Variants in LARGE1 observed in about 807,000 individuals in gnomAD.
LARGE1 encodes xylosyl- and glucuronyltransferase LARGE1.
LARGE1 carries 43 observed loss-of-function variants against 87.6 expected under a neutral mutation model. That is an observed-to-expected ratio of 0.49 (90% CI 0.38 to 0.63). The LOEUF is 0.63. LARGE1 is among the 30% of genes least tolerant of loss of function. The pLI is 0.00. For synonymous variants in LARGE1, 434 were observed against 394.6 expected (o/e 1.10, Z -1.18); for missense variants, 802 against 1,000.2 (o/e 0.80, Z 2.67).
chr22:33,455,757 C>CAAAAAAAAAA (rs35353034), intron 6 of LARGE1, among the ~76,000 whole-genome samples: 3 of 64,242 alleles, frequency 4.7e-5, no homozygotes, highest in African/African-American at 6.3e-5. Context: ...CTGTCTCAGC[C>CAAAAAAAAAA]AAAAAAAAAA....
intron 2 of LARGE1, among the ~76,000 whole-genome samples, chr22:33,663,823 C>T (rs1160623251): frequency 1.3e-5 from 2 of 152,182 alleles, no homozygotes; most frequent in Non-Finnish European, 2.9e-5. Flanking sequence ...GTGCCAAGTT[C>T]CTGAATGCAG....
intron 7 of LARGE1, among the ~76,000 whole-genome samples, chr22:33,424,950 T>C (rs1213487465): frequency 6.6e-6 from 1 of 152,140 alleles, no homozygotes; most frequent in Non-Finnish European, 1.5e-5. Context: ...ACTTCATTAA[T>C]GTGATTAATG....
Position 33,283,107 on chromosome 22 carries a change from G to A in LARGE1, c.1877+95C>T, listed in dbSNP as rs16992053. On this transcript the variant is annotated intron_variant, in intron 13 of 14. Coordinates refer to ENST00000397394, the MANE Select transcript of LARGE1 (RefSeq NM_133642.5). ...GGCCTCACAATGGACTAAGGCGAGC[G>A]ACAAACTTCCAGATCGATAGCTTTG... 4.7e-4 allele frequency: 709 copies of A among 1,523,576 alleles called. No individual in the cohort carries two copies. The African/African-American group carries it at 7.8e-3, about 17-fold the overall frequency. 94.4% of individuals were successfully genotyped at this position (1,523,576 alleles called of 1,614,324 possible).
Position 33,309,229 on chromosome 22 carries a change from C to T in LARGE1, c.1452-4722G>A, listed in dbSNP as rs562515031. 7.3e-5 allele frequency among the ~76,000 whole-genome samples: 11 copies of T among 150,932 alleles called. No individual in the cohort carries two copies. The East Asian group carries it at 7.8e-4, about 11-fold the overall frequency. ...TTGCCCAGGCTGGAGTGCAGTGGTGCGATCTCAGCTCACTGCAACCTCCAC... is the reference window on the plus strand; with the variant it reads ...TTGCCCAGGCTGGAGTGCAGTGGTGTGATCTCAGCTCACTGCAACCTCCAC... On this transcript the variant is annotated intron_variant, in intron 11 of 14. Coordinates refer to ENST00000397394, the MANE Select transcript of LARGE1 (RefSeq NM_133642.5).
At chr22:33,322,404 G>C (rs1474443010) in intron 10 of LARGE1, 2 of 152,200 alleles carry the variant, frequency 1.3e-5, no homozygotes, top group Non-Finnish European at 2.9e-5. Flanking sequence ...TTTCTCAAAT[G>C]AGCTAATGCA....
At chr22:33,911,532 C>T (rs1002412421) in intron 1 of LARGE1, among the ~76,000 whole-genome samples, 2 of 151,554 alleles carry the variant, frequency 1.3e-5, no homozygotes, top group African/African-American at 2.4e-5. Context: ...ATGGGAGCGC[C>T]GGTCTACACC....
rs574383855 is a variant in LARGE1, at chr22:33,642,332, T to C, written c.408+8035A>G. 1.8e-4 allele frequency among the ~76,000 whole-genome samples: 27 copies of C among 152,172 alleles called. No individual in the cohort carries two copies. The South Asian group carries it at 5.0e-3, about 28-fold the overall frequency. ...AAATCCTTTACAGACAAGCAAATCC[T>C]CCTGAAGGATTTTGTCACCACTAGG... On this transcript the variant is annotated intron_variant, in intron 3 of 14. Coordinates refer to ENST00000397394, the MANE Select transcript of LARGE1 (RefSeq NM_133642.5).
chr22:33,574,890 G>A (rs1013861336), intron 5 of LARGE1, among the ~76,000 whole-genome samples: 3 of 152,072 alleles, frequency 2.0e-5, no homozygotes, highest in Non-Finnish European at 4.4e-5. Flanking sequence ...GAGACAGTGG[G>A]AAAAACAAAA....
At chr22:33,519,645 A>C (rs2071476239) in intron 6 of LARGE1, among the ~76,000 whole-genome samples, 1 of 152,200 alleles carries the variant, frequency 6.6e-6, no homozygotes, top group Non-Finnish European at 1.5e-5. Flanking sequence ...CTTTGAAATC[A>C]CTATTTTTAC....
intron 2 of LARGE1, among the ~76,000 whole-genome samples, chr22:33,665,705 A>C (rs563378427): frequency 5.3e-4 from 80 of 152,244 alleles, no homozygotes; most frequent in African/African-American, 1.9e-3. Flanking sequence ...ATCCTGGCTA[A>C]CACGGCGAAA....
At chr22:33,651,730 A>G (rs1157094228) in intron 2 of LARGE1, among the ~76,000 whole-genome samples, 1 of 152,244 alleles carries the variant, frequency 6.6e-6, no homozygotes, top group Non-Finnish European at 1.5e-5. Flanking sequence ...GACTGGATGC[A>G]TGGCTCCATG....
chr22:33,490,026 C>T (rs2069760687), intron 6 of LARGE1, among the ~76,000 whole-genome samples: 1 of 152,246 alleles, frequency 6.6e-6, no homozygotes, highest in South Asian at 2.1e-4. Flanking sequence ...TCCCTGGCCA[C>T]TTTCTCCTCC....
At chr22:33,770,766 T>A (rs964434310) in intron 1 of LARGE1, among the ~76,000 whole-genome samples, 1 of 152,160 alleles carries the variant, frequency 6.6e-6, no homozygotes, top group Non-Finnish European at 1.5e-5. Flanking sequence ...AAATTTTATG[T>A]GTATGTGTGT....
chr22:33,728,402 G>T (rs946631795), intron 2 of LARGE1, among the ~76,000 whole-genome samples: 1 of 151,732 alleles, frequency 6.6e-6, no homozygotes, highest in Non-Finnish European at 1.5e-5. Context: ...AGCCAGGCAC[G>T]GGGGTGCATG....
the LARGE1 span, among the ~76,000 whole-genome samples, chr22:33,103,898 G>A: frequency 6.6e-6 from 1 of 152,114 alleles, no homozygotes; most frequent in South Asian, 2.1e-4. Context: ...TTTATAAGGG[G>A]AAACCCCTTC....
intron 6 of LARGE1, among the ~76,000 whole-genome samples, chr22:33,519,106 G>T (rs1332976648): frequency 6.6e-6 from 1 of 152,094 alleles, no homozygotes; most frequent in Admixed American, 6.5e-5. Context: ...GCTTTCTGCA[G>T]ATTAAAAAAA....
At chr22:33,830,849 T>C (rs1156656027) in intron 1 of LARGE1, among the ~76,000 whole-genome samples, 1 of 152,194 alleles carries the variant, frequency 6.6e-6, no homozygotes, top group East Asian at 1.9e-4. Context: ...CTTCTTGCTG[T>C]GCCCTCACGT....
intron 2 of LARGE1, among the ~76,000 whole-genome samples, chr22:33,738,197 TG>T (rs2083729425): frequency 6.6e-6 from 1 of 152,166 alleles, no homozygotes; most frequent in Admixed American, 6.5e-5. Context: ...GCTCGTGGAA[TG>T]CAAATAAAGC....
intron 6 of LARGE1, among the ~76,000 whole-genome samples, chr22:33,489,881 T>C (rs376364654): frequency 5.4e-4 from 82 of 152,200 alleles, no homozygotes; most frequent in South Asian, 5.0e-3. Context: ...AAGTGCTAAG[T>C]GGACATGAAC....
Sources: allele counts gnomAD v4.1 joint callset (sites outside exome capture counted in the v4.1 genomes callset), GRCh38; gene constraint gnomAD v4.1.1; transcripts MANE v1.5; gene names NCBI Gene and HGNC (gene_info 2026-07-23, HGNC 2026-07-21).